The following FOCAD variants were observed in gnomAD, a reference collection of about 807,000 sequenced individuals.
The protein encoded by FOCAD is KIAA1797.
A neutral mutation model predicts 225.6 loss-of-function variants in FOCAD; 198 were observed. The ratio of observed to expected loss-of-function variants is 0.88; its 90% CI spans 0.78 to 0.99. FOCAD has a LOEUF of 0.99. FOCAD is among the 50% of genes least tolerant of loss of function. The pLI is 0.00. For missense variants in FOCAD, 2,713 were observed against 2,123.6 expected (o/e 1.28, Z -5.46); for synonymous variants, 897 against 755.0 (o/e 1.19, Z -3.08).
At chr9:20,832,831 C>T (rs994872989) in intron 15 of FOCAD, among the ~76,000 whole-genome samples, 4 of 151,984 alleles carry the variant, frequency 2.6e-5, no homozygotes, top group Non-Finnish European at 4.4e-5. Context: ...ATATGTATTA[C>T]GTTTTCTTTA....
At chr9:20,733,473 A>G (rs774369100) in intron 4 of FOCAD, among the ~76,000 whole-genome samples, 3 of 152,080 alleles carry the variant, frequency 2.0e-5, no homozygotes, top group Admixed American at 6.6e-5. Flanking sequence ...CTCTTTTAGC[A>G]TTAGGTATAT....
chr9:20,971,504 A>G (rs923187565), intron 35 of FOCAD, among the ~76,000 whole-genome samples: 1 of 151,844 alleles, frequency 6.6e-6, no homozygotes, highest in Admixed American at 6.6e-5. Flanking sequence ...CAATGGTGCA[A>G]TCTTGGCTCA....
At chr9:20,888,202 G>A (rs1417111745) in intron 21 of FOCAD, among the ~76,000 whole-genome samples, 3 of 142,340 alleles carry the variant, frequency 2.1e-5, no homozygotes, top group Middle Eastern at 3.7e-3. Flanking sequence ...GCAGTGGTGC[G>A]ATCTCAGCTC....
chr9:20,732,694 TG>T (rs1169109224), intron 4 of FOCAD, among the ~76,000 whole-genome samples: 1 of 152,036 alleles, frequency 6.6e-6, no homozygotes, highest in Non-Finnish European at 1.5e-5. Flanking sequence ...GGCACCTAGA[TG>T]GGATACACAG....
At chr9:20,800,082 G>T (rs546796681) in intron 11 of FOCAD, among the ~76,000 whole-genome samples, 1 of 152,164 alleles carries the variant, frequency 6.6e-6, no homozygotes, top group East Asian at 1.9e-4. Context: ...GTCTGTAAAG[G>T]ATTTTATTTC....
chr9:20,985,255 T>C (rs1336539565), intron 39 of FOCAD, among the ~76,000 whole-genome samples: 1 of 152,238 alleles, frequency 6.6e-6, no homozygotes, highest in Non-Finnish European at 1.5e-5. Flanking sequence ...ACATTGGTCA[T>C]TTGGAAAATA....
At chr9:20,895,525 T>C (rs950506886) in intron 21 of FOCAD, among the ~76,000 whole-genome samples, 1 of 151,840 alleles carries the variant, frequency 6.6e-6, no homozygotes, top group African/African-American at 2.4e-5. Context: ...CTCCTATAGA[T>C]ATTATATACA....
At chr9:20,697,676 A>G (rs1007363471) in intron 1 of FOCAD, among the ~76,000 whole-genome samples, 1 of 152,224 alleles carries the variant, frequency 6.6e-6, no homozygotes, top group African/African-American at 2.4e-5. Flanking sequence ...AAATTTACCT[A>G]TTGATGACTA....
At chr9:20,945,911 G>C (rs1321684070) in intron 29 of FOCAD, among the ~76,000 whole-genome samples, 1 of 151,880 alleles carries the variant, frequency 6.6e-6, no homozygotes, top group East Asian at 1.9e-4. Flanking sequence ...TTTTTATCAC[G>C]AAAAAAGGAG....
chr9:20,934,599 G>A (rs922812420), intron 28 of FOCAD, among the ~76,000 whole-genome samples: 2 of 151,282 alleles, frequency 1.3e-5, no homozygotes, highest in African/African-American at 4.9e-5. Flanking sequence ...GTTGTTCTAT[G>A]TGCCTAGTTT....
At chr9:20,828,863 C>A (rs1425492356) in intron 15 of FOCAD, among the ~76,000 whole-genome samples, 1 of 152,072 alleles carries the variant, frequency 6.6e-6, no homozygotes, top group African/African-American at 2.4e-5. Context: ...GTTCAAATCC[C>A]ACTTATAATT....
At chr9:20,831,028 A>T (rs2131496966) in intron 15 of FOCAD, among the ~76,000 whole-genome samples, 1 of 152,106 alleles carries the variant, frequency 6.6e-6, no homozygotes, top group South Asian at 2.1e-4. Context: ...TTGACTAGGG[A>T]TCTTATTTAA....
At chr9:20,664,905 C>G (rs1462348405) in intron 2 of FOCAD, among the ~76,000 whole-genome samples, 1 of 151,948 alleles carries the variant, frequency 6.6e-6, no homozygotes, top group African/African-American at 2.4e-5. Context: ...AACTATTTTT[C>G]AAAATACCAG....
At chr9:20,845,148 A>C (rs1490857032) in intron 15 of FOCAD, among the ~76,000 whole-genome samples, 1 of 152,056 alleles carries the variant, frequency 6.6e-6, no homozygotes, top group South Asian at 2.1e-4. Context: ...TCACTGACTC[A>C]ATCAGTTTCT....
chr9:20,801,334 G>C (rs989514037), intron 11 of FOCAD, among the ~76,000 whole-genome samples: 1 of 152,128 alleles, frequency 6.6e-6, no homozygotes, highest in African/African-American at 2.4e-5. Flanking sequence ...AATTCTGTCT[G>C]ATATCAGTTT....
chr9:20,808,693 TTC>T (rs1032833919), intron 11 of FOCAD, among the ~76,000 whole-genome samples: 2 of 152,046 alleles, frequency 1.3e-5, no homozygotes, highest in Non-Finnish European at 2.9e-5. Context: ...TGATTAGACT[TTC>T]TCTCCTGGCA....
At chr9:20,851,840 CT>C (rs902828214) in intron 15 of FOCAD, among the ~76,000 whole-genome samples, 2 of 151,840 alleles carry the variant, frequency 1.3e-5, no homozygotes, top group African/African-American at 4.8e-5. Context: ...AGCCCACTAC[CT>C]TTTTTTGTAA....
At chr9:20,813,989 T>A (rs1249692573) in intron 11 of FOCAD, among the ~76,000 whole-genome samples, 2 of 152,194 alleles carry the variant, frequency 1.3e-5, no homozygotes, top group African/African-American at 4.8e-5. Context: ...CTTCTTTCTC[T>A]CTTGTGACGA....
intron 21 of FOCAD, among the ~76,000 whole-genome samples, chr9:20,904,346 A>T (rs774430419): frequency 2.6e-5 from 4 of 151,946 alleles, no homozygotes; most frequent in Non-Finnish European, 5.9e-5. Flanking sequence ...AGTGTTTTCC[A>T]TACCAGCTGA....
Sources: gnomAD v4.1 joint callset for allele counts (sites outside exome capture counted in the v4.1 genomes callset) on GRCh38, gnomAD v4.1.1 for gene constraint, MANE v1.5 for transcripts, NCBI Gene and HGNC (gene_info 2026-07-23, HGNC 2026-07-21) for gene names.